PDE8B: variants seen among roughly 807,000 people sequenced by gnomAD.
The protein encoded by PDE8B is phosphodiesterase 8B, also known as high affinity cAMP-specific and IBMX-insensitive 3',5'-cyclic phosphodiesterase 8B.
PDE8B carries 26 observed loss-of-function variants against 101.3 expected under a neutral mutation model. That is an observed-to-expected ratio of 0.26 (90% CI 0.19 to 0.36). The LOEUF is 0.36. Among genes scored for constraint, PDE8B ranks in the 10% least tolerant of loss-of-function variants. PDE8B has a pLI of 1.00. For synonymous variants in PDE8B, 424 were observed against 429.3 expected, an observed-to-expected ratio of 0.99 and a Z score of 0.15; for missense variants, 810 against 1,163.1, an observed-to-expected ratio of 0.70 and a Z score of 4.42.
chr5:77,406,934 G>A lies in PDE8B; in HGVS notation c.1289-447G>A, dbSNP rs139518644. Among the ~76,000 whole-genome samples the A allele has an allele frequency of 2.5e-3, 388 of 152,236 alleles. 1 individual carries two copies. The highest frequency in any genetic ancestry group is 8.7e-3 in the African/African-American group (361 of 41,526). Reference sequence around the variant, plus strand: ...AGACTGAGAATGGGCTCAATCCTCCGCCCTGACCCTAACCATGAACTGCCT... The same window carrying A: ...AGACTGAGAATGGGCTCAATCCTCCACCCTGACCCTAACCATGAACTGCCT... On this transcript the variant is annotated intron_variant, in intron 12 of 21. Coordinates refer to ENST00000264917, the MANE Select transcript of PDE8B (RefSeq NM_003719.5).
intron 5 of PDE8B, among the ~76,000 whole-genome samples, chr5:77,335,541 G>T (rs1330090236): frequency 8.5e-6 from 1 of 117,964 alleles, no homozygotes; most frequent in Non-Finnish European, 1.7e-5. Flanking sequence ...GGGTGTGTGT[G>T]TGTGTGTGTG....
chr5:77,218,030 A>G (rs937305519), intron 1 of PDE8B, among the ~76,000 whole-genome samples: 2 of 152,138 alleles, frequency 1.3e-5, no homozygotes, highest in African/African-American at 4.8e-5. Flanking sequence ...TGCACAGAAA[A>G]GTAGTTCCTG....
chr5:77,380,743 A>C (rs1360527604), intron 10 of PDE8B, among the ~76,000 whole-genome samples: 1 of 152,248 alleles, frequency 6.6e-6, no homozygotes, highest in Non-Finnish European at 1.5e-5. Context: ...ACTTATAGAT[A>C]GACATTATTC....
chr5:77,210,989 G>T lies in PDE8B; in HGVS notation c.64G>T (p.Glu22Ter). 2 of 1,541,642 alleles carry T rather than the reference G, an allele frequency of 1.3e-6. No homozygotes were observed. The highest frequency in any genetic ancestry group is 1.7e-6 in the Non-Finnish European group (2 of 1,154,136). ...SGVIYCRDSD[E>*]SSSPRQTTSV... ...CGTGATCTACTGCCGGGACTCGGAC[G>T]AGTCCAGCTCGCCCCGCCAGACCAC... The change falls in exon 1 of 22, where the codon GAG (glutamate) becomes TAG (stop). Residue 22 changes from glutamate (E) to a stop codon, truncating the protein, a stop_gained. Transcript: ENST00000264917. LOFTEE classifies it high-confidence loss of function. The surrounding 1 kb of genome is among the most constrained non-coding windows in gnomAD (Gnocchi z 4.9).
intron 17 of PDE8B, 99 bp from the exon 18 acceptor site, chr5:77,418,130 A>G: frequency 1.2e-6 from 1 of 821,618 alleles, no homozygotes. Context: ...CGTTCTGAAA[A>G]TCTCAAATCC....
intron 10 of PDE8B, among the ~76,000 whole-genome samples, chr5:77,388,639 G>A (rs114360792): frequency 1.1e-3 from 161 of 152,328 alleles, no homozygotes; most frequent in African/African-American, 3.8e-3. Context: ...CTGTCAGGCC[G>A]GGATGTTTAA....
chr5:77,187,042 AT>A, the PDE8B span, among the ~76,000 whole-genome samples: 3 of 152,132 alleles, frequency 2.0e-5, no homozygotes, highest in African/African-American at 7.2e-5. Flanking sequence ...GTTGTAATGG[AT>A]TTGTCTATGA....
intron 10 of PDE8B, among the ~76,000 whole-genome samples, chr5:77,360,320 A>G (rs1053053177): frequency 2.0e-5 from 3 of 152,280 alleles, no homozygotes; most frequent in African/African-American, 7.2e-5. Context: ...TCAGACTATT[A>G]CAAGATTCTG....
At chr5:77,297,272 A>G (rs992178206) in intron 1 of PDE8B, among the ~76,000 whole-genome samples, 2 of 152,210 alleles carry the variant, frequency 1.3e-5, no homozygotes, top group African/African-American at 4.8e-5. Context: ...TATAGTCAAA[A>G]TGGCGACTAA....
At chr5:77,137,645 T>C in the PDE8B span, among the ~76,000 whole-genome samples, 1 of 152,156 alleles carries the variant, frequency 6.6e-6, no homozygotes, top group Non-Finnish European at 1.5e-5. Flanking sequence ...CTGTGTACCC[T>C]GCAGAAAAAG....
chr5:77,210,762 G>T lies in PDE8B; in HGVS notation c.-164G>T. ...GACGCGCGCGGTCCCCGGAGGCTCG[G>T]CGGGGGGCACCGCGGCCAGCCCGAC... On this transcript the variant is annotated 5_prime_UTR_variant, in exon 1 of 22. Transcript: ENST00000264917. The surrounding 1 kb of genome is among the most constrained non-coding windows in gnomAD (Gnocchi z 4.9). The T allele has an allele frequency of 1.0e-6, 1 of 982,436 alleles. No individual in the cohort carries two copies. The highest frequency in any genetic ancestry group is 1.2e-6 in the Non-Finnish European group (1 of 829,270). The allele number at this position is 982,436 out of a possible 1,614,324, so 60.9% of individuals were successfully genotyped here.
chr5:77,230,742 G>A (rs1173696070), intron 1 of PDE8B, among the ~76,000 whole-genome samples: 3 of 152,174 alleles, frequency 2.0e-5, no homozygotes, highest in South Asian at 4.1e-4. Context: ...ACCAGACCCG[G>A]CCATTCTGTG....
intron 10 of PDE8B, among the ~76,000 whole-genome samples, chr5:77,361,314 G>A (rs1783051486): frequency 6.6e-6 from 1 of 152,086 alleles, no homozygotes; most frequent in Admixed American, 6.5e-5. Context: ...TTAAAAAAAT[G>A]ATGAAGAAAA....
At chr5:77,375,060 G>T (rs1405104747) in intron 10 of PDE8B, among the ~76,000 whole-genome samples, 1 of 152,218 alleles carries the variant, frequency 6.6e-6, no homozygotes, top group Non-Finnish European at 1.5e-5. Context: ...AGAGGATACA[G>T]CTGTTTTTCC....
intron 17 of PDE8B, among the ~76,000 whole-genome samples, chr5:77,418,026 T>C (rs1389857425): frequency 6.6e-6 from 1 of 152,156 alleles, no homozygotes; most frequent in African/African-American, 2.4e-5. Context: ...GTGGCTCAGG[T>C]TGCCCTCCAG....
At chr5:77,422,101 C>CAGCAG in intron 20 of PDE8B, 113 bp downstream of exon 20, 1 of 1,161,670 alleles carries the variant, frequency 8.6e-7, no homozygotes, top group East Asian at 2.6e-5. Flanking sequence ...GTTAACCACT[C>CAGCAG]CTCCCTGGAA....
chr5:77,407,548 C>G (rs1014744352), intron 13 of PDE8B, 91 bp downstream of exon 13: 8 of 930,206 alleles, frequency 8.6e-6, no homozygotes, highest in Middle Eastern at 2.1e-4. Context: ...TCATGGAGCT[C>G]AGTCTAGTGG....
At chr5:77,249,930 C>T (rs1385313376) in intron 1 of PDE8B, among the ~76,000 whole-genome samples, 2 of 152,214 alleles carry the variant, frequency 1.3e-5, no homozygotes, top group East Asian at 1.9e-4. Flanking sequence ...ATGCAAGCCT[C>T]GTACAAGAAG....
Position 77,411,716 on chromosome 5 carries a change from CTAAGAG to C in PDE8B, c.1576_1576+5del, listed in dbSNP as rs1794600593. The C allele has an allele frequency of 1.2e-6, 2 of 1,609,100 alleles. No individual in the cohort carries two copies. The highest frequency in any genetic ancestry group is 1.7e-6 in the Non-Finnish European group (2 of 1,175,524). The stretch of plus-strand genomic sequence containing the variant: ...CTGTCAGGAAACGAGTATGTGTTTA[CTAAGAG>C]TAAGTTTTCATCTATTTACTTGTTA... On this transcript the variant is annotated splice_donor_variant and coding_sequence_variant, in exon 15 of 22. Coordinates refer to ENST00000264917, the MANE Select transcript of PDE8B (RefSeq NM_003719.5). LOFTEE classifies it high-confidence loss of function.
Sources: gnomAD v4.1 joint callset for allele counts (sites outside exome capture counted in the v4.1 genomes callset) on GRCh38, gnomAD v4.1.1 for gene constraint, Gnocchi (gnomAD v3.1) non-coding constraint, MANE v1.5 for transcripts, NCBI Gene and HGNC (gene_info 2026-07-23, HGNC 2026-07-21) for gene names.